The following MALRD1 variants were observed in gnomAD, a reference collection of about 807,000 sequenced individuals.
MALRD1 encodes the protein MAM and LDL-receptor class A domain-containing protein 1.
A neutral mutation model predicts 242.1 loss-of-function variants in MALRD1; 247 were observed. The observed-to-expected ratio is 1.02, with a 90% CI of 0.92 to 1.13. The LOEUF (loss-of-function observed/expected upper bound fraction) is 1.13. Ranked by LOEUF, MALRD1 falls within the 50% of genes most tolerant of loss-of-function variation. The pLI, the probability that MALRD1 is intolerant of heterozygous loss-of-function variation, is 0.00. For missense variants in MALRD1, 2,989 were observed against 2,533.1 expected, an observed-to-expected ratio of 1.18 and a Z score of -3.86; for synonymous variants, 995 against 866.6, an observed-to-expected ratio of 1.15 and a Z score of -2.60.
At chr10:19,595,896 A>G (rs1838073976) in intron 34 of MALRD1, among the ~76,000 whole-genome samples, 1 of 152,174 alleles carries the variant, frequency 6.6e-6, no homozygotes, top group Non-Finnish European at 1.5e-5. Context: ...TGTATAGTTA[A>G]GGATTGGATC....
intron 21 of MALRD1, among the ~76,000 whole-genome samples, chr10:19,319,251 T>C (rs1842824501): frequency 6.6e-6 from 1 of 152,154 alleles, no homozygotes; most frequent in South Asian, 2.1e-4. Context: ...GGTATTGTTA[T>C]GTTATATAAG....
At chr10:19,396,438 T>G (rs963851399) in intron 28 of MALRD1, among the ~76,000 whole-genome samples, 3 of 152,156 alleles carry the variant, frequency 2.0e-5, no homozygotes, top group Non-Finnish European at 4.4e-5. Flanking sequence ...CTGGCCTCGT[T>G]TATTTCTATG....
chr10:19,293,421 A>G (rs887847313), intron 21 of MALRD1, among the ~76,000 whole-genome samples: 4 of 152,180 alleles, frequency 2.6e-5, no homozygotes, highest in Non-Finnish European at 2.9e-5. Context: ...AACACACAAA[A>G]CAATGTCCTT....
chr10:19,599,463 AAAG>A (rs1838253328), intron 34 of MALRD1, among the ~76,000 whole-genome samples: 1 of 152,150 alleles, frequency 6.6e-6, no homozygotes, highest in African/African-American at 2.4e-5. Flanking sequence ...AGAAAAAGAA[AAAG>A]AAAAAAGAAG....
chr10:19,316,423 C>T (rs1193252157), intron 21 of MALRD1, among the ~76,000 whole-genome samples: 2 of 151,762 alleles, frequency 1.3e-5, no homozygotes, highest in East Asian at 3.9e-4. Flanking sequence ...GAGCTGTTTC[C>T]AAACTCTGGG....
chr10:19,716,517 GT>G (rs1458174498), intron 38 of MALRD1, among the ~76,000 whole-genome samples: 1 of 152,162 alleles, frequency 6.6e-6, no homozygotes, highest in Non-Finnish European at 1.5e-5. Context: ...TATGCTTCCT[GT>G]ATAGCCTGCG....
intron 18 of MALRD1, among the ~76,000 whole-genome samples, chr10:19,215,813 ATAAT>A (rs1174894137): frequency 1.9e-5 from 1 of 51,998 alleles, no homozygotes; most frequent in African/African-American, 5.1e-5. Flanking sequence ...ATTTATATAA[ATAAT>A]TAGTATAAAT....
intron 21 of MALRD1, among the ~76,000 whole-genome samples, chr10:19,306,607 A>G (rs957746376): frequency 1.3e-5 from 2 of 149,832 alleles, no homozygotes; most frequent in African/African-American, 4.9e-5. Flanking sequence ...TTAATTGTGT[A>G]TATATATATG....
chr10:19,662,456 T>A (rs1841483918), intron 36 of MALRD1, among the ~76,000 whole-genome samples: 1 of 152,306 alleles, frequency 6.6e-6, no homozygotes, highest in South Asian at 2.1e-4. Context: ...TTAACAAAAT[T>A]AAATACTATT....
intron 30 of MALRD1, among the ~76,000 whole-genome samples, chr10:19,493,703 A>T (rs1202847285): frequency 1.3e-5 from 2 of 151,610 alleles, no homozygotes; most frequent in African/African-American, 2.4e-5. Flanking sequence ...AATCCCAGCC[A>T]CTTGGGAGGC....
At chr10:19,111,477 G>T (rs967838061) in intron 5 of MALRD1, among the ~76,000 whole-genome samples, 1 of 152,158 alleles carries the variant, frequency 6.6e-6, no homozygotes, top group African/African-American at 2.4e-5. Flanking sequence ...CTTTGGGACT[G>T]GAGAGGAGGA....
At chr10:19,627,895 A>C (rs373077937) in intron 36 of MALRD1, among the ~76,000 whole-genome samples, 12 of 152,270 alleles carry the variant, frequency 7.9e-5, no homozygotes, top group Middle Eastern at 3.4e-3. Context: ...TGTAACAGAT[A>C]AACTAGACAC....
intron 18 of MALRD1, among the ~76,000 whole-genome samples, chr10:19,238,499 A>ATG (rs371120037): frequency 0.4 from 4,896 of 12,172 alleles, 573 homozygotes; most frequent in Non-Finnish European, 0.42. Context: ...ATAATATATA[A>ATG]TATAATATAT....
intron 29 of MALRD1, among the ~76,000 whole-genome samples, chr10:19,451,104 T>C (rs1370783356): frequency 6.6e-6 from 1 of 152,224 alleles, no homozygotes; most frequent in Non-Finnish European, 1.5e-5. Flanking sequence ...TACCATCCGC[T>C]TTCTAACATG....
At chr10:19,375,772 G>A (rs979219359) in intron 26 of MALRD1, among the ~76,000 whole-genome samples, 3 of 152,118 alleles carry the variant, frequency 2.0e-5, no homozygotes, top group South Asian at 2.1e-4. Context: ...AAACAGACTA[G>A]TTAATCCTGT....
chr10:19,149,090 A>G (rs1475004780), intron 11 of MALRD1, among the ~76,000 whole-genome samples: 1 of 150,788 alleles, frequency 6.6e-6, no homozygotes, highest in Non-Finnish European at 1.5e-5. Context: ...CTATCTATCT[A>G]TCTATCTATC....
intron 36 of MALRD1, among the ~76,000 whole-genome samples, chr10:19,654,538 G>A (rs1426162961): frequency 6.6e-6 from 1 of 152,118 alleles, no homozygotes; most frequent in Non-Finnish European, 1.5e-5. Flanking sequence ...TGCTTGTTCT[G>A]ACTATATTTG....
At chr10:19,368,889 GTT>G (rs869310554) in intron 26 of MALRD1, among the ~76,000 whole-genome samples, 13 of 76,430 alleles carry the variant, frequency 1.7e-4, no homozygotes, top group African/African-American at 2.5e-4. Flanking sequence ...GTGTGTGTGT[GTT>G]TGTGTGTGTG....
intron 38 of MALRD1, among the ~76,000 whole-genome samples, chr10:19,723,663 G>T (rs1834878968): frequency 6.6e-6 from 1 of 151,592 alleles, no homozygotes; most frequent in African/African-American, 2.4e-5. Flanking sequence ...GATCGCTTGG[G>T]CCCAGGAGTT....
Sources: gnomAD v4.1 joint callset for allele counts (sites outside exome capture counted in the v4.1 genomes callset) on GRCh38, gnomAD v4.1.1 for gene constraint, MANE v1.5 for transcripts, NCBI Gene and HGNC (gene_info 2026-07-23, HGNC 2026-07-21) for gene names.